STKLD1: variants seen among roughly 807,000 people sequenced by gnomAD.
The protein encoded by STKLD1 is serine/threonine kinase like domain containing 1, also known as serine/threonine kinase-like domain-containing protein STKLD1.
In STKLD1, 79 loss-of-function variants were observed where a neutral mutation model predicts 80.4. The observed-to-expected ratio is 0.98, with a 90% CI of 0.82 to 1.19. STKLD1 has a LOEUF of 1.19. Among genes scored for constraint, STKLD1 ranks in the 50% most tolerant of loss-of-function variants. The probability of loss-of-function intolerance (pLI) is 0.00; values close to 1 mark genes in which losing one functional copy is unlikely to be tolerated. For synonymous variants in STKLD1, 393 were observed against 357.6 expected (o/e 1.10, Z -1.12); for missense variants, 841 against 856.0 (o/e 0.98, Z 0.22).
intron 9 of STKLD1, chr9:133,396,069 A>T (rs1838556406): frequency 4.6e-6 from 1 of 215,606 alleles, no homozygotes; most frequent in Non-Finnish European, 9.2e-6. Flanking sequence ...TAAAAAAAAA[A>T]ATTCCTAAAG....
Position 133,394,100 on chromosome 9 carries a change from T to C in STKLD1, c.584-191T>C. ...CTCCAGATCAACACAAAGCTCCCGC[T>C]GATTGGGGCCTCTTCCTCCCCACAG... On this transcript the variant is annotated intron_variant, in intron 7 of 17. Coordinates refer to ENST00000371957, the MANE Select transcript of STKLD1 (RefSeq NM_153710.5). The surrounding 1 kb of genome is among the most constrained non-coding windows in gnomAD (Gnocchi z 4.9). The C allele has an allele frequency of 1.6e-6, 1 of 622,846 alleles. No individual in the cohort carries two copies. The allele number at this position is 622,846 out of a possible 1,614,324, so 38.6% of individuals were successfully genotyped here.
chr9:133,390,251 A>C lies in STKLD1; in HGVS notation c.468-430A>C, dbSNP rs966343002. On this transcript the variant is annotated intron_variant, in intron 6 of 17. Transcript: ENST00000371957. The surrounding 1 kb of genome is among the most constrained non-coding windows in gnomAD (Gnocchi z 5.1). ...CACACACACACACACACACACACAC[A>C]CCACGCAGACCATACGTACAAAGGG... 1.6e-5 allele frequency among the ~76,000 whole-genome samples: 2 copies of C among 125,032 alleles called. No homozygotes were observed. The highest frequency in any genetic ancestry group is 3.2e-5 in the Non-Finnish European group (2 of 63,120). 82.0% of individuals were successfully genotyped at this position (125,032 alleles called of 152,430 possible).
At chr9:133,401,677 T>G (rs1554777680) in intron 12 of STKLD1, 61 bp from the exon 13 acceptor site, 1 of 1,549,824 alleles carries the variant, frequency 6.5e-7, no homozygotes, top group African/African-American at 1.4e-5. Flanking sequence ...GAGCCTTGTG[T>G]GTCTGGCCCC....
Position 133,387,533 on chromosome 9 carries a change from A to G in STKLD1, c.381A>G (p.Lys127=). The G allele has an allele frequency of 1.9e-6, 3 of 1,613,890 alleles. No individual in the cohort carries two copies. The highest frequency in any genetic ancestry group is 8.5e-7 in the Non-Finnish European group (1 of 1,179,908). ...EVIEDKRKAK[K]IIDSEWMQNV... ...TTGAGGATAAGAGGAAGGCAAAGAA[A>G]ATCATTGACTCTGAGGTGAGGTCCT... The change falls in exon 5 of 18, where the codon AAA becomes AAG. Residue 127 remains lysine (K), a synonymous_variant. Transcript: ENST00000371957.
chr9:133,383,293 T>A (rs1270215503), intron 2 of STKLD1, among the ~76,000 whole-genome samples: 4 of 1,046 alleles, frequency 3.8e-3, no homozygotes, highest in Non-Finnish European at 7.8e-3. Context: ...GGTGTGATGA[T>A]GTGATGGTGG....
At chr9:133,376,650 GC>G in intron 1 of STKLD1, 90 bp downstream of exon 1, 1 of 1,209,720 alleles carries the variant, frequency 8.3e-7, no homozygotes, top group Non-Finnish European at 1.1e-6. Flanking sequence ...ACCGAGGGCG[GC>G]GAGGGGCCCG....
chr9:133,399,475 G>A (rs1420039856), intron 11 of STKLD1, among the ~76,000 whole-genome samples: 2 of 152,234 alleles, frequency 1.3e-5, no homozygotes, highest in East Asian at 3.8e-4. Flanking sequence ...TCCCTGGGAA[G>A]AGAGACTTTG....
intron 5 of STKLD1, 46 bp downstream of exon 5, chr9:133,387,594 G>T: frequency 6.7e-7 from 1 of 1,491,610 alleles, no homozygotes; most frequent in South Asian, 1.1e-5. Context: ...CTAGACCTGT[G>T]ACACAGGCCC....
Position 133,400,528 on chromosome 9 carries a change from A to G in STKLD1, c.1197A>G (p.Gln399=), listed in dbSNP as rs1554777451. ...ACSLLLHLLG[Q]ALVHHPEAKA... Reference sequence around the variant, plus strand: ...CCCTGCTGCTGCACCTCCTGGGCCAAGGTGGGTGCCAAACCAGGCCAGATG... The same window carrying G: ...CCCTGCTGCTGCACCTCCTGGGCCAGGGTGGGTGCCAAACCAGGCCAGATG... The change falls in exon 12 of 18, where the codon CAA becomes CAG. Residue 399 remains glutamine, a splice_region_variant and synonymous_variant. Coordinates refer to ENST00000371957, the MANE Select transcript of STKLD1 (RefSeq NM_153710.5). 1 of 1,609,914 alleles carries G rather than the reference A, an allele frequency of 6.2e-7. No individual in the cohort carries two copies. Among genetic ancestry groups the G allele is most frequent in the Admixed American group, 1.7e-5 (1 of 59,978 alleles).
intron 2 of STKLD1, among the ~76,000 whole-genome samples, chr9:133,383,323 ATGGTGG>A (rs1357768822): frequency 4.0e-4 from 1 of 2,474 alleles, no homozygotes; most frequent in Non-Finnish European, 1.1e-3. Context: ...TGGTGTGATG[ATGGTGG>A]TGATGGTGAT....
At chr9:133,378,074 A>C (rs1339705953) in intron 1 of STKLD1, among the ~76,000 whole-genome samples, 3 of 152,176 alleles carry the variant, frequency 2.0e-5, no homozygotes, top group Non-Finnish European at 4.4e-5. Context: ...AATGCGAGCC[A>C]TGGGGAGCGG....
intron 14 of STKLD1, 97 bp downstream of exon 14, chr9:133,403,109 T>TCGAA: frequency 7.7e-7 from 1 of 1,296,320 alleles, no homozygotes; most frequent in Non-Finnish European, 1.0e-6. Flanking sequence ...CTCCATGTCC[T>TCGAA]GTCCCTAAAA....
chr9:133,395,782 T>C lies in STKLD1; in HGVS notation c.866+19T>C, dbSNP rs782387488. ...CGATAAAGTGAGCTCAGGGTCGGGGTTTATTTTAACCTGTGGATTTATCTT... is the reference window on the plus strand; with the variant it reads ...CGATAAAGTGAGCTCAGGGTCGGGGCTTATTTTAACCTGTGGATTTATCTT... On this transcript the variant is annotated intron_variant, in intron 9 of 17. Transcript: ENST00000371957. 6.2e-6 allele frequency: 10 copies of C among 1,611,304 alleles called. No individual in the cohort carries two copies. Among genetic ancestry groups the C allele is most frequent in the Middle Eastern group, 1.6e-4 (1 of 6,072 alleles).
At chr9:133,391,357 G>A (rs1020979239) in intron 7 of STKLD1, among the ~76,000 whole-genome samples, 1 of 151,318 alleles carries the variant, frequency 6.6e-6, no homozygotes, top group African/African-American at 2.4e-5. Flanking sequence ...ACCCCGTCTG[G>A]GAGGTGTGCC....
chr9:133,405,149 G>T, intron 17 of STKLD1, 103 bp from the exon 18 acceptor site: 1 of 1,438,700 alleles, frequency 7.0e-7, no homozygotes, highest in Non-Finnish European at 9.3e-7. Flanking sequence ...CTCTGTGCAT[G>T]CCAAGCCCAA....
chr9:133,398,551 G>A (rs1198331306), intron 11 of STKLD1, among the ~76,000 whole-genome samples: 3 of 152,190 alleles, frequency 2.0e-5, no homozygotes, highest in Non-Finnish European at 2.9e-5. Flanking sequence ...AGCCAAGGCG[G>A]GAGGACTGCT....
rs1588762203 is a variant in STKLD1, at chr9:133,405,692, T to G, written c.*271T>G. 1 of 314,494 alleles carries G rather than the reference T, an allele frequency of 3.2e-6. No individual in the cohort carries two copies. Among genetic ancestry groups the G allele is most frequent in the South Asian group, 5.4e-5 (1 of 18,556 alleles). The allele number at this position is 314,494 out of a possible 1,614,324, so 19.5% of individuals were successfully genotyped here. On this transcript the variant is annotated 3_prime_UTR_variant, in exon 18 of 18. Coordinates refer to ENST00000371957, the MANE Select transcript of STKLD1 (RefSeq NM_153710.5). The stretch of plus-strand genomic sequence containing the variant: ...TGCGCGGAAAAAGTGCTCTTGAGGC[T>G]GGAGGCAGCCACCTCTCCCAGCCCA...
At position 133,383,893 on chromosome 9, in the gene STKLD1, TGGA is replaced by T. The variant is rs2130271361; in HGVS notation, c.218_219+1del. 2.5e-6 allele frequency: 4 copies of T among 1,613,992 alleles called. No individual in the cohort carries two copies. In the East Asian group the frequency reaches 8.9e-5, roughly 36 times the overall value. ...GATGACCATTACGCCAGTCAGGCCC[TGGA>T]GGAGGTAACTCTCAGGGTAGTTTTC... On this transcript the variant is annotated inframe_deletion, in exon 3 of 18. Transcript: ENST00000371957.
chr9:133,391,646 T>A (rs1177761630), intron 7 of STKLD1, among the ~76,000 whole-genome samples: 6 of 151,966 alleles, frequency 3.9e-5, no homozygotes, highest in Admixed American at 1.3e-4. Flanking sequence ...GTGCTTTGTT[T>A]AACAGATGCT....
Sources: gnomAD v4.1 joint callset for allele counts (sites outside exome capture counted in the v4.1 genomes callset) on GRCh38, gnomAD v4.1.1 for gene constraint, Gnocchi (gnomAD v3.1) non-coding constraint, MANE v1.5 for transcripts, NCBI Gene and HGNC (gene_info 2026-07-23, HGNC 2026-07-21) for gene names.